FYB1: variants seen among roughly 807,000 people sequenced by gnomAD.
FYB1 encodes the protein FYN-binding protein 1.
FYB1 carries 41 observed loss-of-function variants against 94.1 expected under a neutral mutation model. The observed-to-expected ratio is 0.44, with a 90% confidence interval of 0.34 to 0.57. The LOEUF (loss-of-function observed/expected upper bound fraction) is 0.57, where lower values mean the gene tolerates loss of function less well. Ranked by LOEUF, FYB1 falls within the 20% of genes least tolerant of loss-of-function variation. The pLI, the probability that FYB1 is intolerant of heterozygous loss-of-function variation, is 0.02. For missense variants in FYB1, 1,050 were observed against 976.8 expected (o/e 1.07, Z -1.00); for synonymous variants, 367 against 353.2 (o/e 1.04, Z -0.44).
At chr5:39,264,642 T>C (rs561057944) in intron 1 of FYB1, among the ~76,000 whole-genome samples, 150 of 152,316 alleles carry the variant, frequency 9.8e-4, no homozygotes, top group Non-Finnish European at 1.8e-3. Flanking sequence ...AAATGCTTTC[T>C]ACCCCCATTT....
At chr5:39,259,653 C>A (rs984864955) in intron 1 of FYB1, among the ~76,000 whole-genome samples, 1 of 151,942 alleles carries the variant, frequency 6.6e-6, no homozygotes, top group East Asian at 1.9e-4. Flanking sequence ...TAAATTAAAA[C>A]AATAGAATAA....
At chr5:39,258,132 G>A (rs574162557) in intron 1 of FYB1, among the ~76,000 whole-genome samples, 1 of 152,296 alleles carries the variant, frequency 6.6e-6, no homozygotes, top group East Asian at 1.9e-4. Flanking sequence ...AGCACACTTT[G>A]AGAACCACCG....
chr5:39,265,616 C>T (rs1033984439), intron 1 of FYB1, among the ~76,000 whole-genome samples: 14 of 152,168 alleles, frequency 9.2e-5, no homozygotes, highest in Non-Finnish European at 1.8e-4. Flanking sequence ...AAGATCACGC[C>T]ATTGCACTCC....
chr5:39,139,079 A>G, intron 5 of FYB1, 154 bp downstream of exon 5: 1 of 838,328 alleles, frequency 1.2e-6, no homozygotes, highest in Non-Finnish European at 1.8e-6. Context: ...GTAACATCTT[A>G]AGCATTTTAG....
At chr5:39,256,720 G>T (rs1052118672) in intron 1 of FYB1, among the ~76,000 whole-genome samples, 1 of 152,126 alleles carries the variant, frequency 6.6e-6, no homozygotes, top group African/African-American at 2.4e-5. Flanking sequence ...ACTAATTTGA[G>T]CAGTGTTTAT....
At chr5:39,227,223 A>G (rs1750513649) in intron 1 of FYB1, among the ~76,000 whole-genome samples, 1 of 151,992 alleles carries the variant, frequency 6.6e-6, no homozygotes, top group Non-Finnish European at 1.5e-5. Context: ...TATAAAAATC[A>G]AGTGTAATAC....
intron 2 of FYB1, among the ~76,000 whole-genome samples, chr5:39,181,329 C>T (rs1270540026): frequency 6.6e-6 from 1 of 152,082 alleles, no homozygotes; most frequent in African/African-American, 2.4e-5. Flanking sequence ...TCGCCTGTGG[C>T]TATTGAATGT....
At chr5:39,199,591 A>G (rs868219117) in intron 2 of FYB1, among the ~76,000 whole-genome samples, 1 of 152,186 alleles carries the variant, frequency 6.6e-6, no homozygotes, top group Middle Eastern at 3.2e-3. Flanking sequence ...TATTTATTTT[A>G]AAAATACAAG....
In FYB1 at chr5:39,183,029, G is replaced by A. The variant is rs544258107; in HGVS notation, c.1135+18797C>T. Among the ~76,000 whole-genome samples, 169 of 152,040 alleles carry A rather than the reference G, an allele frequency of 1.1e-3. 4 individuals are homozygous for A. In the South Asian group the frequency reaches 0.034, roughly 30 times the overall value. On this transcript the variant is annotated intron_variant, in intron 2 of 18. Transcript: ENST00000512982. ...CTATAGGTGTCTTGTTTCCTTTTTTGGGGGGTAGAAGGGATGGAGTTTCAC... is the reference window on the plus strand; with the variant it reads ...CTATAGGTGTCTTGTTTCCTTTTTTAGGGGGTAGAAGGGATGGAGTTTCAC...
chr5:39,186,638 C>CTT lies in FYB1; in HGVS notation c.1135+15186_1135+15187dup, dbSNP rs56144868. 4.4e-3 allele frequency among the ~76,000 whole-genome samples: 337 copies of CTT among 76,362 alleles called. 14 individuals carry two copies. Among genetic ancestry groups the CTT allele is most frequent in the East Asian group, 0.013 (28 of 2,082 alleles). The allele number at this position is 76,362 out of a possible 152,430, so 50.1% of individuals were successfully genotyped here. On this transcript the variant is annotated intron_variant, in intron 2 of 18. Coordinates refer to ENST00000512982, the MANE Select transcript of FYB1 (RefSeq NM_001465.6). ...ATTTAACACCTGCAACAATTGGATGCTTTTTTTTTTTTTTTTTTTTTTTTT... is the reference window on the plus strand; with the variant it reads ...ATTTAACACCTGCAACAATTGGATGCTTTTTTTTTTTTTTTTTTTTTTTTTTT...
chr5:39,208,433 G>A (rs575105329), intron 1 of FYB1, among the ~76,000 whole-genome samples: 1 of 152,130 alleles, frequency 6.6e-6, no homozygotes, highest in Non-Finnish European at 1.5e-5. Flanking sequence ...AAAAATCTTT[G>A]ATAATTTTTT....
chr5:39,130,720 C>T (rs190327961), intron 9 of FYB1, 108 bp from the exon 10 acceptor site: 51 of 885,352 alleles, frequency 5.8e-5, no homozygotes, highest in East Asian at 1.6e-4. Context: ...ACATTCCAGT[C>T]GAAAGTTCTT....
chr5:39,209,329 GTT>G (rs5867446), intron 1 of FYB1, among the ~76,000 whole-genome samples: 11,445 of 135,642 alleles, frequency 0.084, 540 homozygotes, highest in African/African-American at 0.14. Context: ...GTTTAAATAT[GTT>G]TTTTTTTTTT....
chr5:39,262,379 A>G (rs1464543662), intron 1 of FYB1, among the ~76,000 whole-genome samples: 1 of 152,250 alleles, frequency 6.6e-6, no homozygotes, highest in East Asian at 1.9e-4. Context: ...TGGCTAATAA[A>G]CTTGTGAAAA....
chr5:39,144,982 A>T (rs1263011137), intron 3 of FYB1, among the ~76,000 whole-genome samples: 1 of 152,170 alleles, frequency 6.6e-6, no homozygotes, highest in Non-Finnish European at 1.5e-5. Context: ...AGGAATAACT[A>T]CTGAAATATT....
At chr5:39,125,691 T>C (rs1740594669) in intron 12 of FYB1, among the ~76,000 whole-genome samples, 1 of 152,182 alleles carries the variant, frequency 6.6e-6, no homozygotes, top group Non-Finnish European at 1.5e-5. Flanking sequence ...TGTGTATGAC[T>C]GTGTGGATGA....
At chr5:39,230,844 T>TACACACACACACACAC (rs10641788) in intron 1 of FYB1, among the ~76,000 whole-genome samples, 2 of 143,540 alleles carry the variant, frequency 1.4e-5, no homozygotes, top group African/African-American at 5.3e-5. Context: ...TGTCTCAGTA[T>TACACACACACACACAC]ACACACACAC....
intron 2 of FYB1, among the ~76,000 whole-genome samples, chr5:39,195,170 G>A (rs1747721324): frequency 6.6e-6 from 1 of 152,124 alleles, no homozygotes; most frequent in South Asian, 2.1e-4. Flanking sequence ...TTTGTATCAT[G>A]TTCTTACGTT....
chr5:39,197,796 G>A (rs879276154), intron 2 of FYB1, among the ~76,000 whole-genome samples: 16 of 152,170 alleles, frequency 1.1e-4, no homozygotes, highest in Non-Finnish European at 1.8e-4. Flanking sequence ...CTTGGGTGCC[G>A]CCTACTGCTC....
Sources: allele counts gnomAD v4.1 joint callset (sites outside exome capture counted in the v4.1 genomes callset), GRCh38; gene constraint gnomAD v4.1.1; transcripts MANE v1.5; gene names NCBI Gene and HGNC (gene_info 2026-07-23, HGNC 2026-07-21).